Variants in SCHIP1 observed in about 807,000 individuals in gnomAD.
The protein encoded by SCHIP1 is schwannomin interacting protein 1.
In SCHIP1, 8 loss-of-function variants were observed where a neutral mutation model predicts 29.7. That is an observed-to-expected ratio of 0.27 (90% CI 0.16 to 0.49). The LOEUF (loss-of-function observed/expected upper bound fraction) is 0.49. SCHIP1 is among the 20% of genes least tolerant of loss of function. The pLI, the probability that SCHIP1 is intolerant of heterozygous loss-of-function variation, is 0.99. For missense variants in SCHIP1, 193 were observed against 294.6 expected, an observed-to-expected ratio of 0.66 and a Z score of 2.52; for synonymous variants, 76 against 94.9, an observed-to-expected ratio of 0.80 and a Z score of 1.16.
At chr3:159,452,688 A>C in the SCHIP1 span, among the ~76,000 whole-genome samples, 1 of 152,274 alleles carries the variant, frequency 6.6e-6, no homozygotes, top group South Asian at 2.1e-4. Context: ...GCTAGGTCAA[A>C]TGGTATTTCT....
At chr3:159,868,043 A>G (rs1714837117) in intron 2 of SCHIP1, among the ~76,000 whole-genome samples, 1 of 148,964 alleles carries the variant, frequency 6.7e-6, no homozygotes, top group South Asian at 2.1e-4. Context: ...ATATACACAC[A>G]CATATACCTA....
At chr3:159,454,278 C>T in the SCHIP1 span, among the ~76,000 whole-genome samples, 1 of 152,094 alleles carries the variant, frequency 6.6e-6, no homozygotes, top group African/African-American at 2.4e-5. Flanking sequence ...AAATACATAG[C>T]TAAGTTTGAG....
chr3:159,842,997 C>CTTTTTTTTTTTT (rs1440922016), intron 1 of SCHIP1, among the ~76,000 whole-genome samples: 789 of 61,594 alleles, frequency 0.013, 128 homozygotes, highest in East Asian at 0.021. Flanking sequence ...CCCAATATTT[C>CTTTTTTTTTTTT]TTTCTTTTTT....
intron 2 of SCHIP1, among the ~76,000 whole-genome samples, chr3:159,884,337 G>GTGTGTC (rs1199105400): frequency 1.8e-4 from 26 of 142,266 alleles, no homozygotes; most frequent in East Asian, 6.4e-4. Flanking sequence ...AAATATATAT[G>GTGTGTC]TGTGTCTGTG....
the SCHIP1 span, among the ~76,000 whole-genome samples, chr3:159,601,567 G>T: frequency 2.6e-5 from 4 of 152,208 alleles, no homozygotes; most frequent in Non-Finnish European, 5.9e-5. Flanking sequence ...GAGAGCTTAA[G>T]CACAGAGGCT....
the SCHIP1 span, among the ~76,000 whole-genome samples, chr3:159,746,841 G>A: frequency 6.6e-6 from 1 of 152,124 alleles, no homozygotes; most frequent in Non-Finnish European, 1.5e-5. Flanking sequence ...ATATCCTTCT[G>A]TCTTTCAGCC....
At chr3:159,293,980 T>C in the SCHIP1 span, among the ~76,000 whole-genome samples, 298 of 152,320 alleles carry the variant, frequency 2.0e-3, 1 homozygote, top group African/African-American at 6.9e-3. Context: ...AAGATGATTA[T>C]GGTTCCCAGT....
the SCHIP1 span, among the ~76,000 whole-genome samples, chr3:159,276,772 T>C: frequency 9.5e-3 from 1,453 of 152,306 alleles, 14 homozygotes; most frequent in African/African-American, 0.014. Context: ...CTGGATATGA[T>C]GCTTTTCTCA....
chr3:159,370,617 A>G, the SCHIP1 span, among the ~76,000 whole-genome samples: 25 of 152,196 alleles, frequency 1.6e-4, no homozygotes, highest in African/African-American at 5.8e-4. Context: ...ACTGAGTGAA[A>G]AAGATCCAAC....
At chr3:159,469,275 G>C in the SCHIP1 span, among the ~76,000 whole-genome samples, 61 of 152,232 alleles carry the variant, frequency 4.0e-4, no homozygotes, top group Admixed American at 3.9e-3. Flanking sequence ...AATCCCATGT[G>C]TTTTTAAGTA....
In SCHIP1 at chr3:159,862,317, G is replaced by C. The variant is rs77735766; in HGVS notation, c.31-3846G>C. On this transcript the variant is annotated intron_variant, in intron 1 of 6. Coordinates refer to ENST00000445224, the Ensembl canonical transcript of SCHIP1. ...AAGCAGAAAGATCTGGTATTAGGAAGCATGGACTTGGATCCTACTGCTCCT... is the reference window on the plus strand; with the variant it reads ...AAGCAGAAAGATCTGGTATTAGGAACCATGGACTTGGATCCTACTGCTCCT... Among the ~76,000 whole-genome samples the C allele has an allele frequency of 2.0e-5, 3 of 152,300 alleles. No individual in the cohort carries two copies. The East Asian group carries it at 5.8e-4, about 29-fold the overall frequency.
At chr3:159,845,956 CAT>C (rs2109058953) in intron 1 of SCHIP1, 1 of 152,340 alleles carries the variant, frequency 6.6e-6, no homozygotes, top group Admixed American at 6.5e-5. Context: ...TTAAACATCT[CAT>C]GTGCCAGAAT....
chr3:159,520,012 A>G, the SCHIP1 span, among the ~76,000 whole-genome samples: 1 of 151,348 alleles, frequency 6.6e-6, no homozygotes, highest in Admixed American at 6.6e-5. Context: ...GGGTGAGTAC[A>G]GAGTTATTCA....
chr3:159,815,471 G>T, the SCHIP1 span, among the ~76,000 whole-genome samples: 2 of 152,130 alleles, frequency 1.3e-5, no homozygotes, highest in African/African-American at 4.8e-5. Context: ...TGACACCTTG[G>T]GGGGATGAAA....
At chr3:159,506,262 T>A in the SCHIP1 span, among the ~76,000 whole-genome samples, 1 of 152,352 alleles carries the variant, frequency 6.6e-6, no homozygotes, top group East Asian at 1.9e-4. Context: ...GCTGCATAAA[T>A]GTCTTATTTG....
At chr3:159,597,448 C>T in the SCHIP1 span, among the ~76,000 whole-genome samples, 1 of 152,098 alleles carries the variant, frequency 6.6e-6, no homozygotes, top group African/African-American at 2.4e-5. Context: ...ACCTCCCAGG[C>T]ATCCTGTCCA....
chr3:159,681,268 T>C, the SCHIP1 span, among the ~76,000 whole-genome samples: 1 of 151,444 alleles, frequency 6.6e-6, no homozygotes, highest in African/African-American at 2.4e-5. Context: ...AAGATTTGGA[T>C]TTCCAGAAGA....
the SCHIP1 span, among the ~76,000 whole-genome samples, chr3:159,450,587 C>A: frequency 9.2e-5 from 14 of 152,092 alleles, no homozygotes; most frequent in African/African-American, 3.4e-4. Flanking sequence ...CTCATAATTT[C>A]TTTCAGCCCT....
chr3:159,802,167 T>C, the SCHIP1 span, among the ~76,000 whole-genome samples: 1 of 152,236 alleles, frequency 6.6e-6, no homozygotes, highest in Non-Finnish European at 1.5e-5. Context: ...GCATTGTCCA[T>C]ATTAGCTTAT....
Sources: allele counts gnomAD v4.1 joint callset (sites outside exome capture counted in the v4.1 genomes callset), GRCh38; gene constraint gnomAD v4.1.1; transcripts MANE v1.5; gene names NCBI Gene and HGNC (gene_info 2026-07-23, HGNC 2026-07-21).